KLHL32: variants seen among roughly 807,000 people sequenced by gnomAD.
KLHL32 encodes the protein kelch-like protein 32.
A neutral mutation model predicts 64.8 loss-of-function variants in KLHL32; 35 were observed. The observed-to-expected ratio is 0.54, with a 90% CI of 0.41 to 0.72. The LOEUF (loss-of-function observed/expected upper bound fraction) is 0.72, where lower values mean the gene tolerates loss of function less well. Ranked by LOEUF, KLHL32 falls within the 30% of genes least tolerant of loss-of-function variation. The pLI, the probability that KLHL32 is intolerant of heterozygous loss-of-function variation, is 0.00. For synonymous variants in KLHL32, 259 were observed against 281.0 expected, an observed-to-expected ratio of 0.92 and a Z score of 0.78; for missense variants, 589 against 768.5, an observed-to-expected ratio of 0.77 and a Z score of 2.76.
chr6:97,054,293 T>C (rs1192822032), intron 4 of KLHL32, among the ~76,000 whole-genome samples: 1 of 152,190 alleles, frequency 6.6e-6, no homozygotes, highest in Non-Finnish European at 1.5e-5. Context: ...TATTTTATTT[T>C]TGTATACTTC....
chr6:96,944,268 A>G (rs1771680009), intron 1 of KLHL32, among the ~76,000 whole-genome samples: 1 of 152,250 alleles, frequency 6.6e-6, no homozygotes. Context: ...AAAAGGCACT[A>G]TCTAAAAGAG....
At chr6:97,113,224 G>C (rs865864262) in intron 6 of KLHL32, among the ~76,000 whole-genome samples, 2 of 152,112 alleles carry the variant, frequency 1.3e-5, no homozygotes, top group African/African-American at 4.8e-5. Flanking sequence ...CCTACTAAAG[G>C]GATGTGGGGT....
intron 1 of KLHL32, among the ~76,000 whole-genome samples, chr6:96,945,130 A>G (rs1363576182): frequency 6.6e-6 from 1 of 152,214 alleles, no homozygotes; most frequent in Non-Finnish European, 1.5e-5. Flanking sequence ...CATTTCCTTG[A>G]GAGGTTGGAT....
intron 4 of KLHL32, among the ~76,000 whole-genome samples, chr6:97,058,992 A>T (rs1009640874): frequency 6.6e-6 from 1 of 152,204 alleles, no homozygotes; most frequent in South Asian, 2.1e-4. Context: ...TCACTGTACA[A>T]ATAAGAACAC....
intron 3 of KLHL32, chr6:96,999,542 A>G (rs962389643): frequency 5.0e-5 from 49 of 979,346 alleles, no homozygotes; most frequent in Non-Finnish European, 5.6e-5. Context: ...CTGACAGTAT[A>G]AAAAGGTAAA....
At chr6:97,132,552 T>C (rs905367934) in intron 9 of KLHL32, 101 bp from the exon 10 acceptor site, 10 of 829,208 alleles carry the variant, frequency 1.2e-5, no homozygotes, top group Admixed American at 2.2e-5. Context: ...AGTATACAAA[T>C]GTGCCACAAA....
the KLHL32 span, among the ~76,000 whole-genome samples, chr6:96,911,668 A>C: frequency 1.3e-5 from 2 of 152,114 alleles, no homozygotes; most frequent in Non-Finnish European, 2.9e-5. Flanking sequence ...ACTTTAAAGA[A>C]AGTACTGCAA....
At chr6:97,054,114 A>C (rs1210251525) in intron 4 of KLHL32, among the ~76,000 whole-genome samples, 1 of 152,186 alleles carries the variant, frequency 6.6e-6, no homozygotes, top group East Asian at 1.9e-4. Flanking sequence ...ACATGATAGC[A>C]AAAATATATG....
chr6:96,918,388 T>C, the KLHL32 span, among the ~76,000 whole-genome samples: 2 of 152,242 alleles, frequency 1.3e-5, no homozygotes, highest in Non-Finnish European at 2.9e-5. Context: ...ACCTTCAGGC[T>C]GATATGGCTT....
chr6:96,954,312 A>ATTTTTT (rs71012579), intron 1 of KLHL32, among the ~76,000 whole-genome samples: 57 of 89,380 alleles, frequency 6.4e-4, no homozygotes, highest in Non-Finnish European at 7.5e-4. Flanking sequence ...CTTTCCTTCA[A>ATTTTTT]TTTTTTTTTT....
At chr6:96,985,880 G>A (rs1776984350) in intron 3 of KLHL32, among the ~76,000 whole-genome samples, 1 of 152,132 alleles carries the variant, frequency 6.6e-6, no homozygotes, top group Non-Finnish European at 1.5e-5. Context: ...ACTCGTCAAA[G>A]TCATTCTCCG....
At chr6:96,932,100 G>T (rs189595566) in intron 1 of KLHL32, among the ~76,000 whole-genome samples, 5 of 151,840 alleles carry the variant, frequency 3.3e-5, no homozygotes, top group Admixed American at 2.6e-4. Flanking sequence ...ATACTGTTTT[G>T]TGATAGGCAG....
intron 4 of KLHL32, among the ~76,000 whole-genome samples, chr6:97,061,060 T>A (rs1485768573): frequency 1.3e-5 from 2 of 152,278 alleles, no homozygotes; most frequent in African/African-American, 2.4e-5. Flanking sequence ...GTGACCTCTC[T>A]GCTAGCACTG....
At chr6:97,138,240 CTATAT>C (rs764755849) in intron 10 of KLHL32, among the ~76,000 whole-genome samples, 28 of 121,048 alleles carry the variant, frequency 2.3e-4, no homozygotes, top group Non-Finnish European at 4.9e-4. Flanking sequence ...AGAGGCTGTG[CTATAT>C]AAGAAGAGAG....
At chr6:96,907,371 A>C in the KLHL32 span, among the ~76,000 whole-genome samples, 1 of 152,234 alleles carries the variant, frequency 6.6e-6, no homozygotes, top group Non-Finnish European at 1.5e-5. Context: ...TTCTAAGTAC[A>C]TCTTACCAAA....
At chr6:96,989,551 C>A (rs1777591381) in intron 3 of KLHL32, among the ~76,000 whole-genome samples, 1 of 151,978 alleles carries the variant, frequency 6.6e-6, no homozygotes, top group South Asian at 2.1e-4. Context: ...TCATGTGAGC[C>A]TTGGAGAATC....
chr6:96,999,737 G>T (rs1490325378), intron 3 of KLHL32, among the ~76,000 whole-genome samples: 1 of 152,036 alleles, frequency 6.6e-6, no homozygotes, highest in Non-Finnish European at 1.5e-5. Context: ...TTTTATTACA[G>T]TAGCTATTGG....
chr6:97,038,370 C>A (rs1459615995), intron 3 of KLHL32, among the ~76,000 whole-genome samples: 1 of 151,386 alleles, frequency 6.6e-6, no homozygotes, highest in Admixed American at 6.6e-5. Context: ...ATAGATATTT[C>A]TTAAAAGAAG....
intron 10 of KLHL32, among the ~76,000 whole-genome samples, chr6:97,136,290 TC>T (rs1349590061): frequency 6.6e-6 from 1 of 152,222 alleles, no homozygotes; most frequent in East Asian, 1.9e-4. Flanking sequence ...TTTGTAGGAT[TC>T]AACCACAGTG....
Sources: gnomAD v4.1 joint callset for allele counts (sites outside exome capture counted in the v4.1 genomes callset) on GRCh38, gnomAD v4.1.1 for gene constraint, MANE v1.5 for transcripts, NCBI Gene and HGNC (gene_info 2026-07-23, HGNC 2026-07-21) for gene names.